The following GRM5 variants were observed in gnomAD, a reference collection of about 807,000 sequenced individuals.
GRM5 encodes glutamate metabotropic receptor 5.
A neutral mutation model predicts 83.1 loss-of-function variants in GRM5; 19 were observed. The ratio of observed to expected loss-of-function variants is 0.23; its 90% confidence interval spans 0.16 to 0.34. GRM5 has a LOEUF of 0.34. Ranked by LOEUF, GRM5 falls within the 10% of genes least tolerant of loss-of-function variation. GRM5 has a pLI of 1.00. For missense variants in GRM5, 1,160 were observed against 1,588.3 expected (o/e 0.73, Z 4.58); for synonymous variants, 675 against 633.6 (o/e 1.07, Z -0.98).
chr11:88,847,015 AG>A (rs1259252950), intron 3 of GRM5, among the ~76,000 whole-genome samples: 5 of 152,188 alleles, frequency 3.3e-5, no homozygotes, highest in African/African-American at 4.8e-5. Flanking sequence ...CTGGATTATA[AG>A]TTATGGTAGT....
intron 3 of GRM5, among the ~76,000 whole-genome samples, chr11:88,772,375 G>T (rs926522100): frequency 1.3e-5 from 2 of 151,220 alleles, no homozygotes; most frequent in East Asian, 3.9e-4. Flanking sequence ...ATTCCTTTTT[G>T]AAAACTCTTT....
chr11:88,630,902 A>G (rs1257194317), intron 4 of GRM5, among the ~76,000 whole-genome samples: 1 of 152,062 alleles, frequency 6.6e-6, no homozygotes, highest in Non-Finnish European at 1.5e-5. Context: ...ATAAGTCAAG[A>G]TCTTTCACAT....
At chr11:88,868,976 T>C (rs1944718310) in intron 2 of GRM5, among the ~76,000 whole-genome samples, 1 of 151,744 alleles carries the variant, frequency 6.6e-6, no homozygotes, top group Non-Finnish European at 1.5e-5. Flanking sequence ...TATTGGCTTT[T>C]TTCAACTCTG....
intron 3 of GRM5, among the ~76,000 whole-genome samples, chr11:88,700,197 A>G (rs1230104450): frequency 6.6e-6 from 1 of 152,168 alleles, no homozygotes; most frequent in African/African-American, 2.4e-5. Flanking sequence ...AAAGGTATAT[A>G]TGTGAACCTA....
intron 2 of GRM5, among the ~76,000 whole-genome samples, chr11:88,947,886 C>T (rs1938333437): frequency 1.3e-5 from 2 of 152,096 alleles, no homozygotes; most frequent in African/African-American, 2.4e-5. Context: ...TAAAGATGTC[C>T]CTTGGAAACA....
chr11:88,961,301 C>T (rs1186300176), intron 2 of GRM5, among the ~76,000 whole-genome samples: 1 of 151,850 alleles, frequency 6.6e-6, no homozygotes, highest in East Asian at 1.9e-4. Flanking sequence ...CAGCTGTTCC[C>T]AGTGATTTGT....
chr11:88,723,578 A>C (rs1377172566), intron 3 of GRM5, among the ~76,000 whole-genome samples: 1 of 151,998 alleles, frequency 6.6e-6, no homozygotes, highest in African/African-American at 2.4e-5. Flanking sequence ...ACTATGGAAG[A>C]GGTCATTAAG....
chr11:88,882,206 C>T (rs1192051107), intron 2 of GRM5, among the ~76,000 whole-genome samples: 1 of 151,178 alleles, frequency 6.6e-6, no homozygotes, highest in Non-Finnish European at 1.5e-5. Flanking sequence ...CACTGCACTC[C>T]AGCCTGAACA....
intron 2 of GRM5, among the ~76,000 whole-genome samples, chr11:88,998,658 T>C (rs1379052834): frequency 6.6e-6 from 1 of 152,170 alleles, no homozygotes; most frequent in Non-Finnish European, 1.5e-5. Context: ...CATTAGGAGA[T>C]GGCATGGCAG....
At chr11:88,712,774 G>C (rs10501679) in intron 3 of GRM5, among the ~76,000 whole-genome samples, 1 of 151,974 alleles carries the variant, frequency 6.6e-6, no homozygotes, top group Admixed American at 6.6e-5. Flanking sequence ...TGAATTCAGA[G>C]TAATAACTTG....
intron 4 of GRM5, among the ~76,000 whole-genome samples, chr11:88,649,360 T>C (rs1019737320): frequency 2.1e-5 from 3 of 141,272 alleles, no homozygotes; most frequent in African/African-American, 7.8e-5. Context: ...ATACATAATA[T>C]ATTAAATATT....
At chr11:88,675,271 C>G (rs1363110021) in intron 3 of GRM5, among the ~76,000 whole-genome samples, 1 of 151,990 alleles carries the variant, frequency 6.6e-6, no homozygotes, top group Non-Finnish European at 1.5e-5. Flanking sequence ...GACACTATTT[C>G]ATTCCATTGT....
chr11:89,023,828 C>A (rs1027066007), intron 2 of GRM5, among the ~76,000 whole-genome samples: 2 of 149,662 alleles, frequency 1.3e-5, no homozygotes, highest in Non-Finnish European at 3.0e-5. Context: ...CCAGCTTGGG[C>A]AACAGAGTGA....
intron 2 of GRM5, among the ~76,000 whole-genome samples, chr11:89,021,275 T>C (rs1468027385): frequency 1.3e-5 from 2 of 151,826 alleles, no homozygotes; most frequent in African/African-American, 2.4e-5. Flanking sequence ...CAGGAAGAAA[T>C]AAAAAAGAAA....
At chr11:89,041,958 G>A (rs562602678) in intron 2 of GRM5, among the ~76,000 whole-genome samples, 5 of 152,102 alleles carry the variant, frequency 3.3e-5, no homozygotes, top group Admixed American at 2.0e-4. Flanking sequence ...CAGAGTTTCC[G>A]CAAACCTTCG....
intron 3 of GRM5, among the ~76,000 whole-genome samples, chr11:88,702,582 T>C (rs1445781757): frequency 6.6e-6 from 1 of 152,152 alleles, no homozygotes; most frequent in Non-Finnish European, 1.5e-5. Context: ...CCATTTCATA[T>C]GATCACAATC....
At chr11:88,621,369 A>G (rs1216774301) in intron 4 of GRM5, among the ~76,000 whole-genome samples, 1 of 152,234 alleles carries the variant, frequency 6.6e-6, no homozygotes, top group Non-Finnish European at 1.5e-5. Context: ...TTAAAACACA[A>G]TCTAGTGGTC....
At chr11:88,951,374 A>C (rs1301498310) in intron 2 of GRM5, among the ~76,000 whole-genome samples, 2 of 152,348 alleles carry the variant, frequency 1.3e-5, no homozygotes, top group African/African-American at 4.8e-5. Context: ...GAGAAGTTAA[A>C]GGGGAAGAAC....
intron 2 of GRM5, among the ~76,000 whole-genome samples, chr11:88,993,898 CT>C (rs1175442796): frequency 6.6e-6 from 1 of 152,050 alleles, no homozygotes; most frequent in Non-Finnish European, 1.5e-5. Flanking sequence ...GTTGTTTTGA[CT>C]TTTTGTAGTT....
Sources: allele counts gnomAD v4.1 joint callset (sites outside exome capture counted in the v4.1 genomes callset), GRCh38; gene constraint gnomAD v4.1.1; transcripts MANE v1.5; gene names NCBI Gene and HGNC (gene_info 2026-07-23, HGNC 2026-07-21).